Variants in PLPP3 observed in about 807,000 individuals in gnomAD.
PLPP3 encodes PAP2 beta.
PLPP3 carries 6 observed loss-of-function variants against 29.6 expected under a neutral mutation model. The ratio of observed to expected loss-of-function variants is 0.20; its 90% CI spans 0.11 to 0.40. The LOEUF (loss-of-function observed/expected upper bound fraction) is 0.40. PLPP3 is among the 10% of genes least tolerant of loss of function. The pLI, the probability that PLPP3 is intolerant of heterozygous loss-of-function variation, is 1.00. For synonymous variants in PLPP3, 152 were observed against 159.7 expected (o/e 0.95, Z 0.36); for missense variants, 308 against 407.7 (o/e 0.76, Z 2.11).
intron 5 of PLPP3, among the ~76,000 whole-genome samples, chr1:56,509,594 C>A (rs1645726251): frequency 6.6e-6 from 1 of 152,130 alleles, no homozygotes; most frequent in Non-Finnish European, 1.5e-5. Flanking sequence ...AAACCCAGCA[C>A]TTTTGGAGGC....
At chr1:56,551,994 A>C (rs1646042622) in intron 1 of PLPP3, among the ~76,000 whole-genome samples, 1 of 152,208 alleles carries the variant, frequency 6.6e-6, no homozygotes, top group Non-Finnish European at 1.5e-5. Flanking sequence ...AGGCTTGCAA[A>C]TCATTTCTCT....
intron 1 of PLPP3, among the ~76,000 whole-genome samples, chr1:56,563,653 A>G (rs1376009540): frequency 6.6e-6 from 1 of 152,228 alleles, no homozygotes; most frequent in Non-Finnish European, 1.5e-5. Context: ...CTGAAATGTT[A>G]GTAAATGACC....
intron 5 of PLPP3, among the ~76,000 whole-genome samples, chr1:56,499,407 T>G (rs940168310): frequency 6.6e-6 from 1 of 152,202 alleles, no homozygotes; most frequent in Non-Finnish European, 1.5e-5. Flanking sequence ...TTCTTGAAGA[T>G]GGAATCCTAT....
chr1:56,501,059 C>T (rs895184586), intron 5 of PLPP3, among the ~76,000 whole-genome samples: 13 of 140,580 alleles, frequency 9.2e-5, no homozygotes, highest in African/African-American at 1.4e-4. Flanking sequence ...AAAATGGAGA[C>T]GGAGTCAAAA....
chr1:56,569,711 C>T (rs1646185056), intron 1 of PLPP3, among the ~76,000 whole-genome samples: 1 of 152,202 alleles, frequency 6.6e-6, no homozygotes, highest in East Asian at 1.9e-4. Context: ...AGTCCCCTTT[C>T]ATAATCTAGC....
At chr1:56,557,012 G>GAAAGAAA (rs60511169) in intron 1 of PLPP3, among the ~76,000 whole-genome samples, 3 of 9,122 alleles carry the variant, frequency 3.3e-4, no homozygotes, top group African/African-American at 9.3e-4. Flanking sequence ...GAAAGAAAGA[G>GAAAGAAA]AGAGAGAGAG....
intron 1 of PLPP3, among the ~76,000 whole-genome samples, chr1:56,566,948 G>A (rs1010748824): frequency 2.6e-5 from 4 of 152,164 alleles, no homozygotes; most frequent in African/African-American, 9.7e-5. Flanking sequence ...GGAAAAGGGT[G>A]AAAAATCAGC....
At chr1:56,561,076 T>C (rs1569599829) in intron 1 of PLPP3, among the ~76,000 whole-genome samples, 1 of 150,804 alleles carries the variant, frequency 6.6e-6, no homozygotes, top group Non-Finnish European at 1.5e-5. Context: ...CTTGATCTCC[T>C]GACCTTGTGA....
intron 1 of PLPP3, among the ~76,000 whole-genome samples, chr1:56,549,697 G>A (rs1646025966): frequency 6.6e-6 from 1 of 152,194 alleles, no homozygotes; most frequent in African/African-American, 2.4e-5. Flanking sequence ...TTAGGTTTGT[G>A]AAGGCAGACT....
intron 1 of PLPP3, among the ~76,000 whole-genome samples, chr1:56,567,141 G>A (rs1046496454): frequency 3.9e-5 from 6 of 152,138 alleles, no homozygotes; most frequent in Non-Finnish European, 8.8e-5. Flanking sequence ...CTGCTTTGTG[G>A]AAGTGCTACT....
rs1487729635 is a variant in PLPP3, at chr1:56,570,416, CACTT to C, written c.139+8458_139+8461del. On this transcript the variant is annotated intron_variant, in intron 1 of 5. Coordinates refer to ENST00000371250, the MANE Select transcript of PLPP3 (RefSeq NM_003713.5). ...TAATTTGTGACAAACCTCAAAAACACACTTACCACCAATACCTTGATTGCAATAT... is the reference window on the plus strand; with the variant it reads ...TAATTTGTGACAAACCTCAAAAACACACCACCAATACCTTGATTGCAATAT... Among the ~76,000 whole-genome samples the C allele has an allele frequency of 4.6e-5, 7 of 152,342 alleles. No individual in the cohort carries two copies. The East Asian group carries it at 1.3e-3, about 29-fold the overall frequency.
intron 4 of PLPP3, among the ~76,000 whole-genome samples, chr1:56,521,292 T>C (rs1206688626): frequency 6.7e-6 from 1 of 150,028 alleles, no homozygotes; most frequent in Non-Finnish European, 1.5e-5. Flanking sequence ...GCAGATCAGA[T>C]GTTACAAGAG....
intron 1 of PLPP3, among the ~76,000 whole-genome samples, chr1:56,564,228 A>T (rs1177231251): frequency 6.6e-6 from 1 of 152,202 alleles, no homozygotes; most frequent in Non-Finnish European, 1.5e-5. Flanking sequence ...AGTTAGAGGA[A>T]TACCTCCCCT....
chr1:56,563,515 T>C (rs922697363), intron 1 of PLPP3, among the ~76,000 whole-genome samples: 4 of 152,230 alleles, frequency 2.6e-5, no homozygotes, highest in Admixed American at 1.3e-4. Flanking sequence ...TCTCCTACCA[T>C]GGCTCCTGAC....
intron 1 of PLPP3, 94 bp downstream of exon 1, chr1:56,578,784 G>T: frequency 1.6e-6 from 2 of 1,234,906 alleles, no homozygotes; most frequent in South Asian, 6.1e-5. Flanking sequence ...TGACGGCGCG[G>T]CGCGGCGCGG....
At chr1:56,536,822 T>C in intron 2 of PLPP3, 133 bp downstream of exon 2, 1 of 1,156,700 alleles carries the variant, frequency 8.6e-7, no homozygotes, top group South Asian at 1.6e-5. Flanking sequence ...ACTACCTTCC[T>C]TCTTGGCTAA....
intron 5 of PLPP3, among the ~76,000 whole-genome samples, chr1:56,502,436 C>T (rs1177481448): frequency 1.3e-5 from 2 of 152,200 alleles, no homozygotes; most frequent in Non-Finnish European, 2.9e-5. Flanking sequence ...CACCTGGGAG[C>T]TTCCTGAAAT....
chr1:56,563,429 A>T (rs1646142959), intron 1 of PLPP3, among the ~76,000 whole-genome samples: 1 of 152,190 alleles, frequency 6.6e-6, no homozygotes, highest in Non-Finnish European at 1.5e-5. Context: ...TGATAAGAAG[A>T]ATTAACAATA....
chr1:56,541,424 C>T (rs1569893652), intron 1 of PLPP3, among the ~76,000 whole-genome samples: 3 of 152,206 alleles, frequency 2.0e-5, no homozygotes, highest in Admixed American at 1.3e-4. Flanking sequence ...TTAGTATGTG[C>T]CCAAACTGTC....
Sources: allele counts gnomAD v4.1 joint callset (sites outside exome capture counted in the v4.1 genomes callset), GRCh38; gene constraint gnomAD v4.1.1; transcripts MANE v1.5; gene names NCBI Gene and HGNC (gene_info 2026-07-23, HGNC 2026-07-21).